CEP89: variants seen among roughly 807,000 people sequenced by gnomAD.
CEP89 encodes the protein centrosomal protein of 89 kDa.
A neutral mutation model predicts 97.6 loss-of-function variants in CEP89; 95 were observed. That is an observed-to-expected ratio of 0.97 (90% CI 0.82 to 1.15). CEP89 has a LOEUF of 1.15. Ranked by LOEUF, CEP89 falls within the 50% of genes most tolerant of loss-of-function variation. The probability of loss-of-function intolerance (pLI) is 0.00; values close to 1 mark genes in which losing one functional copy is unlikely to be tolerated. For missense variants in CEP89, 869 were observed against 947.7 expected (o/e 0.92, Z 1.09); for synonymous variants, 354 against 349.1 (o/e 1.01, Z -0.16).
intron 6 of CEP89, 88 bp downstream of exon 6, chr19:32,939,769 C>T (rs770560588): frequency 3.0e-5 from 19 of 625,228 alleles, no homozygotes; most frequent in Non-Finnish European, 5.3e-5. Flanking sequence ...GCCAAAGTTT[C>T]AACACCAAAG....
chr19:32,958,294 GA>G (rs1971093181), intron 3 of CEP89, among the ~76,000 whole-genome samples: 1 of 152,022 alleles, frequency 6.6e-6, no homozygotes, highest in African/African-American at 2.4e-5. Flanking sequence ...CTAATAGTAG[GA>G]AGGGTCTTAC....
intron 3 of CEP89, among the ~76,000 whole-genome samples, chr19:32,959,697 G>A (rs1363343185): frequency 6.6e-6 from 1 of 152,218 alleles, no homozygotes; most frequent in Non-Finnish European, 1.5e-5. Context: ...GAGCAATTAG[G>A]TTGCTGGACA....
At chr19:32,889,329 T>C (rs1029817072) in intron 16 of CEP89, among the ~76,000 whole-genome samples, 2 of 152,082 alleles carry the variant, frequency 1.3e-5, no homozygotes, top group African/African-American at 2.4e-5. Flanking sequence ...CCTGCATGGA[T>C]AGCGGGTGTC....
intron 16 of CEP89, among the ~76,000 whole-genome samples, chr19:32,891,141 G>A (rs1173797661): frequency 6.6e-6 from 1 of 152,176 alleles, no homozygotes; most frequent in Non-Finnish European, 1.5e-5. Context: ...AACCTGCCTG[G>A]CTGGGGCCCC....
Position 32,966,443 on chromosome 19 carries a change from TA to T in CEP89, c.62del (p.Leu21TyrfsTer41). 3.2e-6 allele frequency: 5 copies of T among 1,558,706 alleles called. No individual in the cohort carries two copies. The highest frequency in any genetic ancestry group is 1.9e-5 in the Admixed American group (1 of 53,920). ...SHFKHIIHGL[L>X]PAASVAPKAA... ...CCTTCGGAGCAACGCTGGCTGCAGG[TA>T]AAAGGCCATGGATGATGTGTTTCTG... On this transcript the variant is annotated frameshift_variant, in exon 2 of 19. Coordinates refer to ENST00000305768, the MANE Select transcript of CEP89 (RefSeq NM_032816.5). LOFTEE classifies it high-confidence loss of function.
At chr19:32,968,458 G>A (rs1971330550) in intron 1 of CEP89, among the ~76,000 whole-genome samples, 1 of 152,172 alleles carries the variant, frequency 6.6e-6, no homozygotes, top group Non-Finnish European at 1.5e-5. Context: ...ATGTTGGCCA[G>A]GGTGGTCTCA....
Position 32,939,890 on chromosome 19 carries a change from T to C in CEP89, c.596-5A>G, listed in dbSNP as rs773028942. ...TCAGAACAGGGTGTTTACCATCTGATGAAGAAAAAGAGAGAGAGATAAACT... is the reference window on the plus strand; with the variant it reads ...TCAGAACAGGGTGTTTACCATCTGACGAAGAAAAAGAGAGAGAGATAAACT... On this transcript the variant is annotated splice_region_variant and splice_polypyrimidine_tract_variant and intron_variant, in intron 5 of 18. Coordinates refer to ENST00000305768, the MANE Select transcript of CEP89 (RefSeq NM_032816.5). 1 of 1,270,078 alleles carries C rather than the reference T, an allele frequency of 7.9e-7. No individual in the cohort carries two copies. Among genetic ancestry groups the C allele is most frequent in the Non-Finnish European group, 1.1e-6 (1 of 890,774 alleles). The allele number at this position is 1,270,078 out of a possible 1,614,324, so 78.7% of individuals were successfully genotyped here. A position where few individuals can be genotyped will look rare whatever the true frequency, so the allele number is the denominator to read the frequency against.
intron 16 of CEP89, among the ~76,000 whole-genome samples, chr19:32,892,507 T>C (rs914223737): frequency 6.6e-6 from 1 of 151,604 alleles, no homozygotes; most frequent in Non-Finnish European, 1.5e-5. Flanking sequence ...GGTTTCGCCA[T>C]GTTGGCCGGG....
chr19:32,921,623 G>A (rs563881982), intron 12 of CEP89, among the ~76,000 whole-genome samples: 1 of 152,332 alleles, frequency 6.6e-6, no homozygotes, highest in Non-Finnish European at 1.5e-5. Flanking sequence ...TTGGATTTGT[G>A]GCTGTATACA....
intron 17 of CEP89, among the ~76,000 whole-genome samples, chr19:32,886,176 C>T (rs1349676926): frequency 6.6e-6 from 1 of 152,210 alleles, no homozygotes; most frequent in Non-Finnish European, 1.5e-5. Flanking sequence ...GTTTTGATCT[C>T]CTTTGCGGCA....
At chr19:32,928,702 G>T (rs1568565316) in intron 9 of CEP89, among the ~76,000 whole-genome samples, 1 of 152,152 alleles carries the variant, frequency 6.6e-6, no homozygotes, top group Non-Finnish European at 1.5e-5. Flanking sequence ...AGACTCCAAG[G>T]AGCCCCATGC....
chr19:32,924,330 T>C (rs540184915), intron 11 of CEP89, among the ~76,000 whole-genome samples: 9 of 152,170 alleles, frequency 5.9e-5, no homozygotes, highest in African/African-American at 2.2e-4. Context: ...CATGAGAAAG[T>C]GTCTTACTAG....
intron 8 of CEP89, among the ~76,000 whole-genome samples, chr19:32,932,252 C>A (rs1234391100): frequency 6.6e-6 from 1 of 151,052 alleles, no homozygotes; most frequent in Non-Finnish European, 1.5e-5. Context: ...ATAACCTTCC[C>A]ACATAATAGC....
At chr19:32,911,423 A>C (rs1303380377) in intron 14 of CEP89, among the ~76,000 whole-genome samples, 3 of 152,214 alleles carry the variant, frequency 2.0e-5, no homozygotes, top group Admixed American at 1.3e-4. Flanking sequence ...TGGAAGGCCA[A>C]GGTGAGTGGA....
chr19:32,962,076 T>C (rs895547159), intron 2 of CEP89, among the ~76,000 whole-genome samples: 1 of 151,900 alleles, frequency 6.6e-6, no homozygotes, highest in Non-Finnish European at 1.5e-5. Flanking sequence ...CATGGATCTA[T>C]ACCTTACACA....
chr19:32,913,274 G>A (rs1382466229), intron 14 of CEP89, among the ~76,000 whole-genome samples: 2 of 139,388 alleles, frequency 1.4e-5, no homozygotes, highest in East Asian at 2.2e-4. Flanking sequence ...TTTTTGACAT[G>A]AGAAAATAGC....
intron 14 of CEP89, among the ~76,000 whole-genome samples, chr19:32,909,727 G>A (rs947248552): frequency 3.9e-5 from 6 of 152,172 alleles, no homozygotes; most frequent in Non-Finnish European, 5.9e-5. Context: ...GGAAACAAAC[G>A]ATTGGGAAAT....
At chr19:32,885,496 T>G (rs1969375636) in intron 17 of CEP89, among the ~76,000 whole-genome samples, 1 of 130,526 alleles carries the variant, frequency 7.7e-6, no homozygotes, top group Non-Finnish European at 1.5e-5. Context: ...AATTGCTGTA[T>G]TTTTTGTAGA....
chr19:32,955,420 G>A (rs558598704), intron 3 of CEP89, among the ~76,000 whole-genome samples: 1 of 152,086 alleles, frequency 6.6e-6, no homozygotes, highest in Non-Finnish European at 1.5e-5. Context: ...CATTGTTGTA[G>A]ATAACCCTGT....
Sources: gnomAD v4.1 joint callset for allele counts (sites outside exome capture counted in the v4.1 genomes callset) on GRCh38, gnomAD v4.1.1 for gene constraint, MANE v1.5 for transcripts, NCBI Gene and HGNC (gene_info 2026-07-23, HGNC 2026-07-21) for gene names.